Variants in CABIN1 observed in about 807,000 individuals in gnomAD.
The protein encoded by CABIN1 is calcineurin binding protein 1, also known as calcineurin-binding protein cabin-1.
CABIN1 carries 133 observed loss-of-function variants against 227.7 expected under a neutral mutation model. The ratio of observed to expected loss-of-function variants is 0.58; its 90% CI spans 0.51 to 0.67. The LOEUF (loss-of-function observed/expected upper bound fraction) is 0.67, where lower values mean the gene tolerates loss of function less well. Ranked by LOEUF, CABIN1 falls within the 30% of genes least tolerant of loss-of-function variation. CABIN1 has a pLI of 0.00. For synonymous variants in CABIN1, 1,086 were observed against 1,155.1 expected (o/e 0.94, Z 1.21); for missense variants, 2,408 against 2,852.5 (o/e 0.84, Z 3.55).
intron 29 of CABIN1, among the ~76,000 whole-genome samples, chr22:24,160,174 C>T (rs2046068436): frequency 6.6e-6 from 1 of 152,098 alleles, no homozygotes. Flanking sequence ...TCAGGTTGTC[C>T]CTCCCAGTGT....
intron 28 of CABIN1, among the ~76,000 whole-genome samples, chr22:24,127,660 C>T (rs2043818364): frequency 6.6e-6 from 1 of 152,138 alleles, no homozygotes; most frequent in Non-Finnish European, 1.5e-5. Flanking sequence ...AATCAGACCC[C>T]ATTTCTTTGG....
intron 8 of CABIN1, among the ~76,000 whole-genome samples, chr22:24,054,302 A>G (rs912723026): frequency 3.3e-5 from 5 of 152,170 alleles, no homozygotes; most frequent in African/African-American, 1.2e-4. Context: ...AGCACACAAT[A>G]TAACACACCA....
At chr22:24,042,096 C>T (rs2037424280) in intron 5 of CABIN1, among the ~76,000 whole-genome samples, 1 of 152,152 alleles carries the variant, frequency 6.6e-6, no homozygotes, top group Non-Finnish European at 1.5e-5. Context: ...GGACTATAGG[C>T]ATGCACCACC....
rs557761786 is a variant in CABIN1 at position 24,149,055 on chromosome 22, T to A, written c.4746+14640T>A. 6.6e-5 allele frequency among the ~76,000 whole-genome samples: 10 copies of A among 152,358 alleles called. No individual in the cohort carries two copies. In the South Asian group the frequency reaches 2.1e-3, roughly 32 times the overall value. On this transcript the variant is annotated intron_variant, in intron 29 of 36. Transcript: ENST00000263119. ...CCAAGTTGCATCTGAGAGAGCTGCA[T>A]TGGGATTGAAATCCAAAAGCAGAGC...
Position 24,091,826 on chromosome 22 carries a change from G to A in CABIN1, c.3769G>A (p.Ala1257Thr). ...CCACTACCACAACCCACCTGAGCTG[G>A]CCATGGAGGCCCTGGAGGTGACACC... ...KIHYHNPPELAMEALEVYFRL... is the reference protein window; with the variant it reads ...KIHYHNPPELTMEALEVYFRL... The change falls in exon 24 of 37, where the codon GCC (alanine) becomes ACC (threonine). Residue 1257 changes from alanine (A) to threonine (T), a missense_variant. Physicochemically the swap from Ala to Thr is moderately conservative, Grantham distance 58. Transcript: ENST00000263119. The A allele has an allele frequency of 6.2e-7, 1 of 1,613,644 alleles. No individual in the cohort carries two copies. Among genetic ancestry groups the A allele is most frequent in the East Asian group, 2.2e-5 (1 of 44,872 alleles).
In CABIN1 at chr22:24,118,330, G is replaced by A. The variant is rs530658143; in HGVS notation, c.4301-1037G>A. Among the ~76,000 whole-genome samples, 352 of 152,254 alleles carry A rather than the reference G, an allele frequency of 2.3e-3. 3 individuals are homozygous for A. The highest frequency in any genetic ancestry group is 8.1e-3 in the African/African-American group (338 of 41,540). On this transcript the variant is annotated intron_variant, in intron 27 of 36. Coordinates refer to ENST00000263119, the MANE Select transcript of CABIN1 (RefSeq NM_012295.4). ...TGAATGCTCAGATTCTTTCCTCAACGAGAATAGTGATGGTGGGCAACCTGG... is the reference window on the plus strand; with the variant it reads ...TGAATGCTCAGATTCTTTCCTCAACAAGAATAGTGATGGTGGGCAACCTGG...
intron 1 of CABIN1, among the ~76,000 whole-genome samples, chr22:24,029,915 G>A (rs2036374241): frequency 6.6e-6 from 1 of 152,176 alleles, no homozygotes; most frequent in South Asian, 2.1e-4. Context: ...TAAAACTTGG[G>A]TTCTGCTGCC....
Position 24,076,298 on chromosome 22 carries a change from C to T in CABIN1, c.2748+14C>T. On this transcript the variant is annotated intron_variant, in intron 19 of 36. Transcript: ENST00000263119. Reference sequence around the variant, plus strand: ...CTGCGATTCTATGTAAGTGCTTCCCCTTGGGCTGCAGACTGCCAGTGCGGG... The same window carrying T: ...CTGCGATTCTATGTAAGTGCTTCCCTTTGGGCTGCAGACTGCCAGTGCGGG... The T allele has an allele frequency of 6.3e-7, 1 of 1,599,714 alleles. No homozygotes were observed. The highest frequency in any genetic ancestry group is 8.6e-7 in the Non-Finnish European group (1 of 1,166,798).
chr22:24,156,187 C>T, intron 29 of CABIN1: 1 of 390,940 alleles, frequency 2.6e-6, no homozygotes, highest in Non-Finnish European at 4.5e-6. Flanking sequence ...ACTTTGCTGG[C>T]GCTTTTGCTC....
chr22:24,068,630 G>GT (rs1480083512), intron 16 of CABIN1, among the ~76,000 whole-genome samples: 8 of 152,138 alleles, frequency 5.3e-5, no homozygotes, highest in African/African-American at 1.9e-4. Context: ...TATTGAGAGT[G>GT]TTTTCTTATT....
chr22:24,019,324 G>A (rs1174524149), intron 1 of CABIN1, among the ~76,000 whole-genome samples: 2 of 150,980 alleles, frequency 1.3e-5, no homozygotes, highest in African/African-American at 4.9e-5. Context: ...TAGAGACAGG[G>A]TTTCACCATG....
intron 29 of CABIN1, chr22:24,155,814 C>T (rs893259424): frequency 1.2e-5 from 5 of 415,666 alleles, no homozygotes; most frequent in Non-Finnish European, 1.7e-5. Context: ...GGCCCCACAG[C>T]TTCCTGCAGT....
chr22:24,131,233 T>C (rs1167120420), intron 28 of CABIN1, among the ~76,000 whole-genome samples: 3 of 152,194 alleles, frequency 2.0e-5, no homozygotes, highest in African/African-American at 7.2e-5. Context: ...TCACATCTCC[T>C]CCTGCTGGCC....
chr22:24,178,135 C>G lies in CABIN1; in HGVS notation c.6602C>G (p.Ser2201Cys). The change falls in exon 37 of 37, where the codon TCC becomes TGC. Residue 2201 changes from serine (S) to cysteine (C), a missense_variant. Physicochemically the swap from Ser to Cys is moderately radical, Grantham distance 112. Transcript: ENST00000263119. ...CQPALEVLETSSQESSLESET... is the reference protein window; with the variant it reads ...CQPALEVLETCSQESSLESET... ...CCAGCCCTGGAGGTCCTGGAGACAT[C>G]CAGCCAGGAGTCCTCGCTGGAGAGC... 1 of 1,613,780 alleles carries G rather than the reference C, an allele frequency of 6.2e-7. No homozygotes were observed.
chr22:24,088,725 C>T (rs1164188471), intron 23 of CABIN1, among the ~76,000 whole-genome samples: 2 of 152,136 alleles, frequency 1.3e-5, no homozygotes, highest in African/African-American at 4.8e-5. Context: ...ACCTCAGAAA[C>T]AGGCTTGTTT....
intron 1 of CABIN1, among the ~76,000 whole-genome samples, chr22:24,013,384 A>G (rs1490432952): frequency 6.6e-6 from 1 of 151,642 alleles, no homozygotes; most frequent in Non-Finnish European, 1.5e-5. Flanking sequence ...TTTTTAGTAG[A>G]GACGGAGTTT....
intron 2 of CABIN1, 74 bp downstream of exon 2, chr22:24,035,594 T>C (rs1200283805): frequency 1.3e-6 from 2 of 1,576,410 alleles, no homozygotes; most frequent in Non-Finnish European, 1.7e-6. Context: ...GCGAGGGGCA[T>C]TTTCCTGTTA....
intron 1 of CABIN1, among the ~76,000 whole-genome samples, chr22:24,019,858 T>C (rs546956287): frequency 7.2e-5 from 11 of 151,820 alleles, no homozygotes; most frequent in African/African-American, 2.7e-4. Context: ...GGTTTCTCCA[T>C]GTTGGTCAGG....
intron 15 of CABIN1, among the ~76,000 whole-genome samples, chr22:24,066,563 A>C (rs1247493997): frequency 6.6e-6 from 1 of 152,230 alleles, no homozygotes; most frequent in African/African-American, 2.4e-5. Flanking sequence ...AGCTGTCTAC[A>C]TGCCAGGGCT....
Sources: gnomAD v4.1 joint callset for allele counts (sites outside exome capture counted in the v4.1 genomes callset) on GRCh38, gnomAD v4.1.1 for gene constraint, MANE v1.5 for transcripts, NCBI Gene and HGNC (gene_info 2026-07-23, HGNC 2026-07-21) for gene names.